HDHD5: variants seen among roughly 807,000 people sequenced by gnomAD.
The protein encoded by HDHD5 is haloacid dehalogenase-like hydrolase domain-containing 5.
Under a neutral mutation model 35.5 loss-of-function variants are expected in HDHD5, and 34 were observed. The ratio of observed to expected loss-of-function variants is 0.96; its 90% CI spans 0.73 to 1.28. The LOEUF is 1.28. Ranked by LOEUF, HDHD5 falls within the 50% of genes most tolerant of loss-of-function variation. The pLI is 0.00. For synonymous variants in HDHD5, 248 were observed against 240.6 expected (o/e 1.03, Z -0.29); for missense variants, 589 against 560.2 (o/e 1.05, Z -0.52).
At chr22:17,142,944 G>C (rs1226766678) in intron 5 of HDHD5, 154 bp downstream of exon 5, 2 of 682,850 alleles carry the variant, frequency 2.9e-6, no homozygotes, top group Non-Finnish European at 5.0e-6. Flanking sequence ...TCTCAGAGGT[G>C]GTAAGTGGCA....
At chr22:17,159,334 G>A (rs2123882860), upstream of HDHD5, 5 of 1,223,260 alleles carry the variant, frequency 4.1e-6, no homozygotes, top group East Asian at 1.3e-4. Context: ...TCAGCGGTCG[G>A]CGCGCGCGGC....
intron 1 of HDHD5, among the ~76,000 whole-genome samples, chr22:17,152,881 T>C (rs768524600): frequency 1.3e-5 from 2 of 151,892 alleles, no homozygotes; most frequent in Non-Finnish European, 2.9e-5. Flanking sequence ...TCCTCCTCCA[T>C]GTTAGCTTGT....
intron 1 of HDHD5, among the ~76,000 whole-genome samples, chr22:17,156,456 C>CAA (rs1231263706): frequency 6.7e-6 from 1 of 150,190 alleles, no homozygotes; most frequent in Non-Finnish European, 1.5e-5. Context: ...ACCAAAGATA[C>CAA]AAAAAATTAG....
At chr22:17,159,026 G>C (rs1372045756) in intron 1 of HDHD5, 100 bp downstream of exon 1, 2 of 1,063,458 alleles carry the variant, frequency 1.9e-6, no homozygotes, top group African/African-American at 3.4e-5. Context: ...TTCCCAGGAG[G>C]CTGGGATACC....
intron 6 of HDHD5, among the ~76,000 whole-genome samples, chr22:17,139,217 A>C (rs1198756624): frequency 6.6e-6 from 1 of 152,226 alleles, no homozygotes; most frequent in Non-Finnish European, 1.5e-5. Context: ...CTAAATTTTC[A>C]ATAAGCATCC....
In HDHD5 at chr22:17,145,080, G is replaced by A. The variant is rs181942834; in HGVS notation, c.481C>T (p.Arg161Trp). The A allele has an allele frequency of 6.4e-5, 104 of 1,613,984 alleles. 1 individual carries two copies. The highest frequency in any genetic ancestry group is 1.6e-4 in the Middle Eastern group (1 of 6,062). The change falls in exon 4 of 8, where the codon CGG (arginine) becomes TGG (tryptophan). Residue 161 changes from arginine to tryptophan, a missense_variant. Arg to Trp is a moderately radical substitution (Grantham distance 101, BLOSUM62 -3). Transcript: ENST00000336737. ...ATGTCAAGCAGAGGAAAGGCCATCCGCAGCTCATCCACGGTGACGACATTT... is the reference window on the plus strand; with the variant it reads ...ATGTCAAGCAGAGGAAAGGCCATCCACAGCTCATCCACGGTGACGACATTT... ...FRNVVTVDEL[R>W]MAFPLLDMVD... is the part of the protein sequence containing the mutation.
chr22:17,149,313 T>C (rs1363029298), intron 2 of HDHD5, among the ~76,000 whole-genome samples: 6 of 152,124 alleles, frequency 3.9e-5, no homozygotes, highest in Non-Finnish European at 4.4e-5. Flanking sequence ...TGTGTGACCT[T>C]TGCTTTCCAG....
At position 17,138,084 on chromosome 22, in the gene HDHD5, C is replaced by T; in HGVS notation, c.1209G>A (p.Val403=). 6.2e-7 allele frequency: 1 copy of T among 1,614,132 alleles called. No individual in the cohort carries two copies. The highest frequency in any genetic ancestry group is 8.5e-7 in the Non-Finnish European group (1 of 1,180,022). Residue 403 remains valine, a synonymous_variant, in exon 8 of 8, where the codon GTG becomes GTA. Coordinates refer to ENST00000336737, the MANE Select transcript of HDHD5 (RefSeq NM_033070.3). ...FSPGLMEASH[V]VNDVNEAVQL... ...GCACAGCCTCATTCACGTCATTCAC[C>T]ACGTGGGAGGCCTCCATGAGCCCTG...
At chr22:17,150,426 T>G (rs187145611) in intron 1 of HDHD5, among the ~76,000 whole-genome samples, 2 of 152,176 alleles carry the variant, frequency 1.3e-5, no homozygotes, top group Non-Finnish European at 2.9e-5. Flanking sequence ...CTTTTATAAA[T>G]CTATAGTATA....
At chr22:17,148,629 T>TGGCAG (rs2061692501) in intron 2 of HDHD5, 69 bp from the exon 3 acceptor site, 5 of 1,212,248 alleles carry the variant, frequency 4.1e-6, no homozygotes, top group Non-Finnish European at 6.1e-6. Flanking sequence ...ATGAGACAGG[T>TGGCAG]GGCAGGTCCT....
In HDHD5 at chr22:17,151,765, A is replaced by AG. The variant is rs1451330087; in HGVS notation, c.127-2021_127-2020insC. Among the ~76,000 whole-genome samples the AG allele has an allele frequency of 4.6e-5, 7 of 151,578 alleles. No individual in the cohort carries two copies. The East Asian group carries it at 1.2e-3, about 25-fold the overall frequency. ...AAAAAAAAAAAAAGAAGAAGAAAGA[A>AG]AGAAGAGAAGAGAAGAGAAAAGGCG... On this transcript the variant is annotated intron_variant, in intron 1 of 7. Transcript: ENST00000336737.
chr22:17,154,641 C>A (rs950083217), intron 1 of HDHD5, among the ~76,000 whole-genome samples: 1 of 134,842 alleles, frequency 7.4e-6, no homozygotes, highest in Non-Finnish European at 1.5e-5. Context: ...TTGGTTGAGA[C>A]AAGACAGGGT....
At position 17,145,006 on chromosome 22, in the gene HDHD5, A is replaced by AC. The variant is rs2061644890; in HGVS notation, c.537+17dup. The AC allele has an allele frequency of 3.1e-6, 5 of 1,613,308 alleles. No individual in the cohort carries two copies. The highest frequency in any genetic ancestry group is 4.2e-6 in the Non-Finnish European group (5 of 1,179,772). On this transcript the variant is annotated intron_variant, in intron 4 of 7. Transcript: ENST00000336737. ...GAGTGAAGGATGAAGACACAGCCCA[A>AC]CCCATGCTCCTTATTACCGTGGTCT...
chr22:17,145,775 T>C (rs3788268), intron 3 of HDHD5, among the ~76,000 whole-genome samples: 133,899 of 152,120 alleles, frequency 0.88, 59,109 homozygotes, highest in African/African-American at 0.94. Flanking sequence ...ACAGTGCTGC[T>C]AGTCAGTGCT....
chr22:17,157,085 T>TACAAACAC (rs1555881521), intron 1 of HDHD5, among the ~76,000 whole-genome samples: 1 of 143,682 alleles, frequency 7.0e-6, no homozygotes, highest in Admixed American at 7.0e-5. Flanking sequence ...CTCACACACA[T>TACAAACAC]ACACACACAC....
chr22:17,159,293 C>T (rs1245729191), upstream of HDHD5: 7 of 1,239,034 alleles, frequency 5.6e-6, no homozygotes, highest in African/African-American at 3.4e-5. Flanking sequence ...GCGGCCCCCC[C>T]CCCCCGCGAG....
At chr22:17,157,076 T>TCTCACACA (rs1555881505) in intron 1 of HDHD5, among the ~76,000 whole-genome samples, 1,353 of 56,160 alleles carry the variant, frequency 0.024, 20 homozygotes, top group African/African-American at 0.095. Context: ...AGACACCGTC[T>TCTCACACA]CACACACATA....
rs2061834389 is a variant in HDHD5, at chr22:17,158,915, G to A, written c.126+211C>T. The stretch of plus-strand genomic sequence containing the variant: ...CCGTCCCACGAGCGCTCTCCCGCGG[G>A]AGTAGCGTTTCCGAGGCCGCCAGCG... On this transcript the variant is annotated intron_variant, in intron 1 of 7. Transcript: ENST00000336737. 4 of 359,878 alleles carry A rather than the reference G, an allele frequency of 1.1e-5. 1 individual carries two copies. Among genetic ancestry groups the A allele is most frequent in the South Asian group, 2.8e-4 (2 of 7,136 alleles). The allele number at this position is 359,878 out of a possible 1,614,324, so 22.3% of individuals were successfully genotyped here.
chr22:17,142,718 T>C, intron 5 of HDHD5: 1 of 180,966 alleles, frequency 5.5e-6, no homozygotes, highest in East Asian at 1.7e-4. Flanking sequence ...TAATTTTTAA[T>C]ATGTGTGTAC....
Sources: gnomAD v4.1 joint callset for allele counts (sites outside exome capture counted in the v4.1 genomes callset) on GRCh38, gnomAD v4.1.1 for gene constraint, MANE v1.5 for transcripts, NCBI Gene and HGNC (gene_info 2026-07-23, HGNC 2026-07-21) for gene names.